SHROOM4: variants seen among roughly 807,000 people sequenced by gnomAD.
The protein encoded by SHROOM4 is protein Shroom4.
SHROOM4 carries 17 observed loss-of-function variants against 80.3 expected under a neutral mutation model. The observed-to-expected ratio is 0.21, with a 90% CI of 0.14 to 0.32. SHROOM4 has a LOEUF of 0.32. Ranked by LOEUF, SHROOM4 falls within the 10% of genes least tolerant of loss-of-function variation. The probability of loss-of-function intolerance (pLI) is 1.00; values close to 1 mark genes in which losing one functional copy is unlikely to be tolerated. For synonymous variants in SHROOM4, 400 were observed against 437.5 expected (o/e 0.91, Z 1.07); for missense variants, 993 against 1,140.3 (o/e 0.87, Z 1.86).
chrX:50,687,346 A>G (rs1028927823), intron 2 of SHROOM4, among the ~76,000 whole-genome samples: 30 of 108,920 alleles, frequency 2.8e-4, no homozygotes, highest in African/African-American at 1.0e-3. Context: ...TTTTATTCCA[A>G]TAAAATGTTA....
At chrX:50,744,042 T>C (rs1359860647) in intron 1 of SHROOM4, among the ~76,000 whole-genome samples, 3 of 111,703 alleles carry the variant, frequency 2.7e-5, no homozygotes, top group Non-Finnish European at 1.9e-5. Context: ...ATTTTCCCTT[T>C]GGCTTTGAAT....
Position 50,634,100 on chromosome X carries a change from A to G in SHROOM4, c.1973T>C (p.Met658Thr). ...CTCGGAAGACCTAGCTCTGAGCATC[A>G]TGCTTTTGTTGAAGAGCTTGTCTCT... is the stretch of plus-strand genomic sequence containing the variant. ...SPRDKLFNKS[M>T]MLRARSSECL... Residue 658 changes from methionine to threonine, a missense_variant, in exon 4 of 9, where the codon ATG becomes ACG. By Grantham distance (81) the Met-to-Thr change is moderately conservative. Coordinates refer to ENST00000376020, the MANE Select transcript of SHROOM4 (RefSeq NM_020717.5). 1 of 1,211,659 alleles carries G rather than the reference A, an allele frequency of 8.3e-7. No homozygotes were observed. The highest frequency in any genetic ancestry group is 1.1e-6 in the Non-Finnish European group (1 of 895,480).
rs1351248652 is a variant in SHROOM4, at chrX:50,588,162, A to G, written c.*8533T>C. On this transcript the variant is annotated 3_prime_UTR_variant, in exon 9 of 9. Coordinates refer to ENST00000376020, the MANE Select transcript of SHROOM4 (RefSeq NM_020717.5). ...GCTAACAGACTACATTGTTCTCATC[A>G]GATGGTAGTATTGAGCTTGCCAGAA... is the stretch of plus-strand genomic sequence containing the variant. Among the ~76,000 whole-genome samples the G allele has an allele frequency of 9.0e-6, 1 of 111,345 alleles. No homozygotes were observed. The highest frequency in any genetic ancestry group is 3.3e-5 in the African/African-American group (1 of 30,611).
At chrX:50,736,003 T>C (rs1478994890) in intron 1 of SHROOM4, among the ~76,000 whole-genome samples, 1 of 100,593 alleles carries the variant, frequency 9.9e-6, no homozygotes, top group Non-Finnish European at 2.0e-5. Flanking sequence ...CGAGACTGTT[T>C]CAAAAAAAAA....
chrX:50,676,385 T>C (rs143339697), intron 2 of SHROOM4, among the ~76,000 whole-genome samples: 4,280 of 111,033 alleles, frequency 0.039, 207 homozygotes, highest in African/African-American at 0.13. Flanking sequence ...AATACACAGC[T>C]TATTTATTTT....
intron 2 of SHROOM4, among the ~76,000 whole-genome samples, chrX:50,671,147 A>G (rs1195562495): frequency 2.7e-5 from 3 of 111,891 alleles, no homozygotes; most frequent in African/African-American, 9.8e-5. Context: ...GGCTTAAAAT[A>G]TTCAGTAACC....
At chrX:50,762,520 G>A (rs1935180897) in intron 1 of SHROOM4, among the ~76,000 whole-genome samples, 1 of 112,054 alleles carries the variant, frequency 8.9e-6, no homozygotes, top group African/African-American at 3.2e-5. Flanking sequence ...GAATTACTGT[G>A]TGACATCACT....
At chrX:50,667,009 G>A (rs1167069621) in intron 2 of SHROOM4, among the ~76,000 whole-genome samples, 1 of 111,876 alleles carries the variant, frequency 8.9e-6, no homozygotes, top group Non-Finnish European at 1.9e-5. Flanking sequence ...ATCATTTTTA[G>A]CTGAACAAGG....
intron 1 of SHROOM4, among the ~76,000 whole-genome samples, chrX:50,720,932 AG>A (rs1363260530): frequency 8.9e-6 from 1 of 112,116 alleles, no homozygotes; most frequent in Non-Finnish European, 1.9e-5. Flanking sequence ...ATATGAAGCG[AG>A]AGCAACTAAG....
chrX:50,711,537 G>C (rs1201866018), intron 1 of SHROOM4, among the ~76,000 whole-genome samples: 6 of 112,094 alleles, frequency 5.4e-5, no homozygotes, highest in Non-Finnish European at 1.1e-4. Flanking sequence ...AAAAGGAAAA[G>C]AACACCTGTA....
chrX:50,681,705 G>A (rs1392667103), intron 2 of SHROOM4, among the ~76,000 whole-genome samples: 1 of 112,215 alleles, frequency 8.9e-6, no homozygotes, highest in Non-Finnish European at 1.9e-5. Flanking sequence ...GCGTATTTGT[G>A]ATTATTGTCT....
intron 1 of SHROOM4, among the ~76,000 whole-genome samples, chrX:50,717,936 C>T (rs1309194266): frequency 1.8e-5 from 2 of 111,948 alleles, no homozygotes; most frequent in Non-Finnish European, 3.8e-5. Context: ...CTTCCAAGGA[C>T]ACTGGAAATG....
In SHROOM4 at chrX:50,742,756, G is replaced by T. The variant is rs185337151; in HGVS notation, c.118-46819C>A. 3.2e-3 allele frequency among the ~76,000 whole-genome samples: 349 copies of T among 110,785 alleles called. 1 individual carries two copies. The highest frequency in any genetic ancestry group is 9.3e-3 in the Middle Eastern group (2 of 216). Reference sequence around the variant, plus strand: ...TAACCTTGGTTTTCTGGCTAAGGTAGTGTTTGCCAGCTTTCTTCACTTAAA... The same window carrying T: ...TAACCTTGGTTTTCTGGCTAAGGTATTGTTTGCCAGCTTTCTTCACTTAAA... On this transcript the variant is annotated intron_variant, in intron 1 of 8. Transcript: ENST00000376020.
chrX:50,775,211 GT>G (rs1935479124), intron 1 of SHROOM4, among the ~76,000 whole-genome samples: 1 of 111,716 alleles, frequency 9.0e-6, no homozygotes, highest in African/African-American at 3.3e-5. Flanking sequence ...TTAGGGCCAT[GT>G]TAGTGTCAAC....
intron 1 of SHROOM4, among the ~76,000 whole-genome samples, chrX:50,793,021 T>C (rs186529441): frequency 1.9e-5 from 2 of 107,094 alleles, no homozygotes; most frequent in East Asian, 5.9e-4. Flanking sequence ...TGGAGCATTG[T>C]TTATAATAAC....
At chrX:50,789,972 T>C (rs1301876257) in intron 1 of SHROOM4, among the ~76,000 whole-genome samples, 1 of 112,404 alleles carries the variant, frequency 8.9e-6, no homozygotes, top group African/African-American at 3.2e-5. Context: ...TAGAGCCTAT[T>C]GCTCCTAGTC....
intron 1 of SHROOM4, among the ~76,000 whole-genome samples, chrX:50,727,539 T>C (rs915211537): frequency 1.8e-5 from 2 of 111,688 alleles, no homozygotes; most frequent in African/African-American, 6.5e-5. Context: ...GTTTCCCCCA[T>C]GCTTTTCTCA....
chrX:50,753,311 G>A, intron 1 of SHROOM4, among the ~76,000 whole-genome samples: 1 of 112,187 alleles, frequency 8.9e-6, no homozygotes, highest in Non-Finnish European at 1.9e-5. Flanking sequence ...AGACTCTGAA[G>A]GAGCTTGAAG....
intron 1 of SHROOM4, among the ~76,000 whole-genome samples, chrX:50,772,706 A>G (rs1307091474): frequency 8.9e-6 from 1 of 112,189 alleles, no homozygotes; most frequent in East Asian, 2.8e-4. Context: ...AATAGCTCAA[A>G]TTGAACCTTC....
Sources: allele counts gnomAD v4.1 joint callset (sites outside exome capture counted in the v4.1 genomes callset), GRCh38; gene constraint gnomAD v4.1.1; transcripts MANE v1.5; gene names NCBI Gene and HGNC (gene_info 2026-07-23, HGNC 2026-07-21).